The following LRRFIP1 variants were observed in gnomAD, a reference collection of about 807,000 sequenced individuals.
LRRFIP1 encodes LRR binding FLII interacting protein 1.
In LRRFIP1, 62 loss-of-function variants were observed where a neutral mutation model predicts 104.4. The ratio of observed to expected loss-of-function variants is 0.59; its 90% confidence interval spans 0.48 to 0.73. The LOEUF (loss-of-function observed/expected upper bound fraction) is 0.73, where lower values mean the gene tolerates loss of function less well. Among genes scored for constraint, LRRFIP1 ranks in the 30% least tolerant of loss-of-function variants. LRRFIP1 has a pLI of 0.00. For missense variants in LRRFIP1, 796 were observed against 824.5 expected (o/e 0.97, Z 0.42); for synonymous variants, 300 against 299.0 (o/e 1.00, Z -0.03).
chr2:237,762,697 G>A (rs752833198), intron 19 of LRRFIP1: 1 of 1,614,094 alleles, frequency 6.2e-7, no homozygotes, highest in African/African-American at 1.3e-5. Flanking sequence ...AACACACAGA[G>A]GACACAGTGA....
Position 237,764,161 on chromosome 2 carries a change from C to T in LRRFIP1, c.1459+3956C>T, listed in dbSNP as rs745669527. 3.5e-5 allele frequency: 57 copies of T among 1,613,852 alleles called. No homozygotes were observed. In the East Asian group the frequency reaches 5.1e-4, roughly 15 times the overall value. ...CCTAAGCTGAGGCAGGCGGCAGGCG[C>T]GGTGCACAGGAAGTCTCAGTGTGAA... On this transcript the variant is annotated intron_variant, in intron 19 of 23. Coordinates refer to ENST00000308482, the MANE Select transcript of LRRFIP1 (RefSeq NM_001137550.2).
At chr2:237,762,621 A>G in intron 19 of LRRFIP1, 1 of 1,606,220 alleles carries the variant, frequency 6.2e-7, no homozygotes. Flanking sequence ...AGTGAAGTGG[A>G]GGTGAAAAAT....
intron 1 of LRRFIP1, among the ~76,000 whole-genome samples, chr2:237,656,787 G>A (rs906051340): frequency 5.9e-5 from 9 of 152,174 alleles, no homozygotes; most frequent in African/African-American, 2.2e-4. Context: ...AAAATTAAAT[G>A]TGCCTTGTGT....
chr2:237,748,583 G>A lies in LRRFIP1; in HGVS notation c.669+184G>A, dbSNP rs530622186. Among the ~76,000 whole-genome samples, 16 of 152,222 alleles carry A rather than the reference G, an allele frequency of 1.1e-4. No homozygotes were observed. In the South Asian group the frequency reaches 3.1e-3, roughly 30 times the overall value. On this transcript the variant is annotated intron_variant, in intron 12 of 23. Coordinates refer to ENST00000308482, the MANE Select transcript of LRRFIP1 (RefSeq NM_001137550.2). Reference sequence around the variant, plus strand: ...CCACCGGGAGTCCTGTCCGGTGTGCGTTAGATCCTGTAGAGCAGGGAGGCG... The same window carrying A: ...CCACCGGGAGTCCTGTCCGGTGTGCATTAGATCCTGTAGAGCAGGGAGGCG...
At chr2:237,764,568 T>C in intron 19 of LRRFIP1, 2 of 1,017,660 alleles carry the variant, frequency 2.0e-6, no homozygotes, top group Non-Finnish European at 2.4e-6. Context: ...TAAATTAATG[T>C]CTTGTTCACA....
Position 237,735,305 on chromosome 2 carries a change from G to T in LRRFIP1, c.527G>T (p.Arg176Leu). 6.2e-7 allele frequency: 1 copy of T among 1,613,460 alleles called. No individual in the cohort carries two copies. Residue 176 changes from arginine to leucine, a missense_variant, in exon 10 of 24, where the codon CGA becomes CTA. Physicochemically the swap from Arg to Leu is moderately radical, Grantham distance 102 (BLOSUM62 -2). Transcript: ENST00000308482. The surrounding 1 kb of genome is among the most constrained non-coding windows in gnomAD (Gnocchi z 4.6). ...VLDEGSFGGT[R>L]RGSTSGSRAP... Reference sequence around the variant, plus strand: ...GATGAAGGCAGCTTCGGTGGGACCCGACGGGGCAGCACCTCCGGCTCCCGT... The same window carrying T: ...GATGAAGGCAGCTTCGGTGGGACCCTACGGGGCAGCACCTCCGGCTCCCGT...
chr2:237,704,791 C>G (rs767438169), intron 1 of LRRFIP1, among the ~76,000 whole-genome samples: 67 of 152,240 alleles, frequency 4.4e-4, no homozygotes, highest in Non-Finnish European at 8.2e-4. Flanking sequence ...AGGTGGAGAT[C>G]GCCATAGTTG....
At position 237,753,492 on chromosome 2, in the gene LRRFIP1, A is replaced by T; in HGVS notation, c.1038+13A>T. The stretch of plus-strand genomic sequence containing the variant: ...AGAGAAAAACAAAGTAAGCATTAGT[A>T]TGATACAGAATGTTAACAATAGGCT... On this transcript the variant is annotated intron_variant, in intron 15 of 23. Coordinates refer to ENST00000308482, the MANE Select transcript of LRRFIP1 (RefSeq NM_001137550.2). The T allele has an allele frequency of 6.4e-7, 1 of 1,564,496 alleles. No homozygotes were observed. The highest frequency in any genetic ancestry group is 8.6e-7 in the Non-Finnish European group (1 of 1,162,758).
In LRRFIP1 at chr2:237,766,499, G is replaced by T. The variant is rs995778696; in HGVS notation, c.1460-3444G>T. 5.8e-4 allele frequency among the ~76,000 whole-genome samples: 89 copies of T among 152,250 alleles called. No homozygotes were observed. The highest frequency in any genetic ancestry group is 1.8e-3 in the African/African-American group (76 of 41,548). On this transcript the variant is annotated intron_variant, in intron 19 of 23. Coordinates refer to ENST00000308482, the MANE Select transcript of LRRFIP1 (RefSeq NM_001137550.2). This position sits in a 1 kb window ranked among gnomAD's most constrained non-coding sequence, Gnocchi z 4.8. ...GGTCACTAAATGGTGAGATCATCAA[G>T]CCATTTTAAGTTCTTTCTCATGTTA...
intron 1 of LRRFIP1, among the ~76,000 whole-genome samples, chr2:237,705,869 C>G (rs947491195): frequency 7.2e-5 from 11 of 152,192 alleles, no homozygotes; most frequent in Admixed American, 5.2e-4. Context: ...CCAGGGGCTG[C>G]TCTCAGCTCA....
At chr2:237,731,056 C>T (rs2094982710) in intron 8 of LRRFIP1, among the ~76,000 whole-genome samples, 1 of 152,198 alleles carries the variant, frequency 6.6e-6, no homozygotes, top group Admixed American at 6.5e-5. Context: ...ATGGGCAGAA[C>T]CCAGGAGAGG....
At chr2:237,718,776 C>T (rs903415221) in intron 4 of LRRFIP1, among the ~76,000 whole-genome samples, 1 of 152,092 alleles carries the variant, frequency 6.6e-6, no homozygotes, top group African/African-American at 2.4e-5. Context: ...AAAAGAGGTT[C>T]GCTCTTCAGA....
At chr2:237,758,609 T>G in intron 17 of LRRFIP1, 120 bp from the exon 18 acceptor site, 1 of 655,870 alleles carries the variant, frequency 1.5e-6, no homozygotes. Context: ...AGAGTCTCTT[T>G]AATGTCTAGA....
At chr2:237,694,692 C>T (rs906061992) in intron 1 of LRRFIP1, among the ~76,000 whole-genome samples, 6 of 152,182 alleles carry the variant, frequency 3.9e-5, no homozygotes, top group African/African-American at 1.4e-4. Context: ...TGGCAAGCTC[C>T]ACCTCAACTA....
At chr2:237,751,495 G>A (rs2058625432) in intron 14 of LRRFIP1, among the ~76,000 whole-genome samples, 1 of 152,200 alleles carries the variant, frequency 6.6e-6, no homozygotes, top group Admixed American at 6.5e-5. Context: ...AGTAGAAAAG[G>A]TTACTAACAT....
intron 19 of LRRFIP1, chr2:237,764,398 T>C: frequency 7.1e-7 from 1 of 1,406,976 alleles, no homozygotes; most frequent in Non-Finnish European, 9.3e-7. Context: ...TATCAAACAA[T>C]AATGTCTACT....
intron 1 of LRRFIP1, among the ~76,000 whole-genome samples, chr2:237,659,050 G>T (rs929671989): frequency 6.6e-6 from 1 of 151,794 alleles, no homozygotes; most frequent in African/African-American, 2.4e-5. Flanking sequence ...ACAGTAAAAG[G>T]GGCATTTCAA....
At chr2:237,694,715 A>G (rs1482384641) in intron 1 of LRRFIP1, among the ~76,000 whole-genome samples, 2 of 152,222 alleles carry the variant, frequency 1.3e-5, no homozygotes, top group African/African-American at 4.8e-5. Context: ...AGACAAAAGC[A>G]GGATCTGAGT....
chr2:237,723,495 T>G, intron 6 of LRRFIP1, 53 bp from the exon 7 acceptor site: 1 of 1,588,744 alleles, frequency 6.3e-7, no homozygotes, highest in Non-Finnish European at 8.6e-7. Flanking sequence ...AAATTTACTT[T>G]TGGCAACTCT....
Sources: allele counts gnomAD v4.1 joint callset (sites outside exome capture counted in the v4.1 genomes callset), GRCh38; gene constraint gnomAD v4.1.1; non-coding constraint Gnocchi (gnomAD v3.1); transcripts MANE v1.5; gene names NCBI Gene and HGNC (gene_info 2026-07-23, HGNC 2026-07-21).